The following EPB41L3 variants were observed in gnomAD, a reference collection of about 807,000 sequenced individuals.
The protein encoded by EPB41L3 is band 4.1-like protein 3.
A neutral mutation model predicts 127.1 loss-of-function variants in EPB41L3; 57 were observed. The observed-to-expected ratio is 0.45, with a 90% confidence interval of 0.36 to 0.56. EPB41L3 has a LOEUF of 0.56. Ranked by LOEUF, EPB41L3 falls within the 20% of genes least tolerant of loss-of-function variation. The pLI is 0.00. For synonymous variants in EPB41L3, 572 were observed against 549.5 expected (o/e 1.04, Z -0.57); for missense variants, 1,273 against 1,372.2 (o/e 0.93, Z 1.14).
intron 20 of EPB41L3, 103 bp downstream of exon 20, chr18:5,395,506 G>T: frequency 9.2e-7 from 1 of 1,089,488 alleles, no homozygotes; most frequent in Non-Finnish European, 1.4e-6. Context: ...TGAGCTTCAA[G>T]CCACCTTGTG....
At chr18:5,564,290 G>T (rs896354282) in intron 3 of EPB41L3, among the ~76,000 whole-genome samples, 1 of 152,090 alleles carries the variant, frequency 6.6e-6, no homozygotes, top group Non-Finnish European at 1.5e-5. Context: ...TAAAGATAGG[G>T]CTTTGTATGT....
At position 5,561,038 on chromosome 18, in the gene EPB41L3, C is replaced by T. The variant is rs1056794613; in HGVS notation, c.-306+51302G>A. 4.0e-4 allele frequency among the ~76,000 whole-genome samples: 57 copies of T among 142,868 alleles called. 1 individual carries two copies. The highest frequency in any genetic ancestry group is 1.5e-3 in the South Asian group (7 of 4,540). 93.7% of individuals were successfully genotyped at this position (142,868 alleles called of 152,430 possible). On this transcript the variant is annotated intron_variant, in intron 3 of 21. Coordinates refer to the EPB41L3 transcript ENST00000545076. ...TGTCGCCCAGGCTGGAGTGCAGTGG[C>T]GCGATCGCGGCTCACTGCAAGCTCC...
chr18:5,548,251 A>C (rs981699428), upstream of EPB41L3, among the ~76,000 whole-genome samples: 1 of 152,226 alleles, frequency 6.6e-6, no homozygotes, highest in Non-Finnish European at 1.5e-5. Flanking sequence ...TATTCTTCTG[A>C]AATAAAAATT....
chr18:5,604,879 C>G (rs1229337488), intron 3 of EPB41L3, among the ~76,000 whole-genome samples: 1 of 152,156 alleles, frequency 6.6e-6, no homozygotes, highest in East Asian at 1.9e-4. Flanking sequence ...AAAAAAGTTA[C>G]GCCCATATGG....
At chr18:5,480,519 C>T (rs1463795840) in intron 2 of EPB41L3, among the ~76,000 whole-genome samples, 1 of 152,172 alleles carries the variant, frequency 6.6e-6, no homozygotes, top group Non-Finnish European at 1.5e-5. Context: ...GAATTCAAAT[C>T]TAGCCAAACC....
intron 14 of EPB41L3, among the ~76,000 whole-genome samples, chr18:5,407,987 G>A (rs564439938): frequency 3.5e-4 from 54 of 152,312 alleles, no homozygotes; most frequent in Non-Finnish European, 6.2e-4. Context: ...GCAGACACAC[G>A]TGGTTGAGAA....
intron 2 of EPB41L3, among the ~76,000 whole-genome samples, chr18:5,482,938 T>G (rs568819680): frequency 6.6e-6 from 1 of 152,104 alleles, no homozygotes; most frequent in Non-Finnish European, 1.5e-5. Flanking sequence ...AACCTAGTGG[T>G]AAAATCAAGT....
At chr18:5,567,637 GAAGGAAGGAAGA>G (rs1279512917) in intron 3 of EPB41L3, among the ~76,000 whole-genome samples, 1 of 151,196 alleles carries the variant, frequency 6.6e-6, no homozygotes, top group Non-Finnish European at 1.5e-5. Context: ...AGGAAAGAAG[GAAGGAAGGAAGA>G]AAGGAAGGAA....
chr18:5,419,716 C>T lies in EPB41L3; in HGVS notation c.1501G>A (p.Gly501Arg), dbSNP rs764056090. 1 of 1,613,990 alleles carries T rather than the reference C, an allele frequency of 6.2e-7. No individual in the cohort carries two copies. Among genetic ancestry groups the T allele is most frequent in the East Asian group, 2.2e-5 (1 of 44,868 alleles). Reference sequence around the variant, plus strand: ...AGGCAGTCTGGGAGCTATACCTTTCCCTCGTGCCGGATGGCCGAGATGGGC... The same window carrying T: ...AGGCAGTCTGGGAGCTATACCTTTCTCTCGTGCCGGATGGCCGAGATGGGC... ...VTPISAIRHE[G>R]KSPGLGTDSC... Residue 501 changes from glycine to arginine, a missense_variant, in exon 12 of 23, where the codon GGA (glycine) becomes AGA (arginine). This residue lies in a region of EPB41L3 where 765 missense variants were observed against 782.9 expected (regional missense o/e 0.98). Transcript: ENST00000341928.
At chr18:5,604,280 G>A (rs896797198) in intron 3 of EPB41L3, among the ~76,000 whole-genome samples, 1 of 151,572 alleles carries the variant, frequency 6.6e-6, no homozygotes, top group Non-Finnish European at 1.5e-5. Context: ...TCCCATAGCA[G>A]CAACAGTGGT....
At position 5,410,631 on chromosome 18, in the gene EPB41L3, A is replaced by C. The variant is rs544102344; in HGVS notation, c.2068-12T>G. On this transcript the variant is annotated splice_polypyrimidine_tract_variant and intron_variant, in intron 13 of 22. Coordinates refer to ENST00000341928, the MANE Select transcript of EPB41L3 (RefSeq NM_012307.5). ...CGCTCACTGTCAGTCTGTTGACCACAGAAGTGATCAGGTTCCAGGAGGAAG... is the reference window on the plus strand; with the variant it reads ...CGCTCACTGTCAGTCTGTTGACCACCGAAGTGATCAGGTTCCAGGAGGAAG... 2 of 1,611,218 alleles carry C rather than the reference A, an allele frequency of 1.2e-6. No individual in the cohort carries two copies. The highest frequency in any genetic ancestry group is 8.5e-7 in the Non-Finnish European group (1 of 1,178,110).
chr18:5,566,782 CTATTCT>C (rs1568584088), intron 3 of EPB41L3, among the ~76,000 whole-genome samples: 6 of 132,500 alleles, frequency 4.5e-5, no homozygotes, highest in African/African-American at 1.3e-4. Context: ...CTATTCTATT[CTATTCT>C]ATTCCATTCC....
intron 9 of EPB41L3, among the ~76,000 whole-genome samples, chr18:5,427,331 A>G (rs1161227364): frequency 6.6e-6 from 1 of 152,194 alleles, no homozygotes; most frequent in Non-Finnish European, 1.5e-5. Context: ...AACCATACCA[A>G]TTAGAAATTT....
intron 9 of EPB41L3, among the ~76,000 whole-genome samples, chr18:5,424,617 C>A (rs901643967): frequency 6.6e-6 from 1 of 152,138 alleles, no homozygotes; most frequent in African/African-American, 2.4e-5. Flanking sequence ...TATGATACAA[C>A]TGAAAACCAA....
At chr18:5,510,687 C>T (rs922233162) in intron 1 of EPB41L3, among the ~76,000 whole-genome samples, 3 of 152,202 alleles carry the variant, frequency 2.0e-5, no homozygotes, top group African/African-American at 7.2e-5. Context: ...CACTGCCCAG[C>T]CTGACCATGG....
intron 2 of EPB41L3, among the ~76,000 whole-genome samples, chr18:5,484,478 A>G (rs1253845411): frequency 6.6e-6 from 1 of 151,910 alleles, no homozygotes; most frequent in Non-Finnish European, 1.5e-5. Flanking sequence ...TAGGAAAAAA[A>G]GAAATGATGA....
chr18:5,470,496 T>C (rs115689645), intron 3 of EPB41L3, among the ~76,000 whole-genome samples: 2,154 of 152,294 alleles, frequency 0.014, 33 homozygotes, highest in South Asian at 0.048. Context: ...ACCCAAAGGA[T>C]TCACTCTTGT....
At position 5,445,250 on chromosome 18, in the gene EPB41L3, GA is replaced by G. The variant is rs1290304342; in HGVS notation, c.382-7del. The G allele has an allele frequency of 6.2e-7, 1 of 1,609,728 alleles. No homozygotes were observed. Among genetic ancestry groups the G allele is most frequent in the Admixed American group, 1.7e-5 (1 of 59,986 alleles). On this transcript the variant is annotated splice_region_variant and splice_polypyrimidine_tract_variant and intron_variant, in intron 3 of 22. Transcript: ENST00000341928. The stretch of plus-strand genomic sequence containing the variant: ...ACTTGTCCTCTGGAGCGTTTCTACA[GA>G]AAACAGAATAGCAAAGCAAGTCAAT...
At chr18:5,472,260 G>A (rs2086286196) in intron 3 of EPB41L3, among the ~76,000 whole-genome samples, 1 of 152,186 alleles carries the variant, frequency 6.6e-6, no homozygotes, top group South Asian at 2.1e-4. Flanking sequence ...GACATTGCAT[G>A]TTAACAGTCC....
Sources: allele counts gnomAD v4.1 joint callset (sites outside exome capture counted in the v4.1 genomes callset), GRCh38; gene constraint gnomAD v4.1.1; regional missense constraint gnomAD v4.1.1; transcripts MANE v1.5; gene names NCBI Gene and HGNC (gene_info 2026-07-23, HGNC 2026-07-21).